The following FAM118A variants were observed in gnomAD, a reference collection of about 807,000 sequenced individuals.
FAM118A encodes SIR2 antiphage like 2.
In FAM118A, 25 loss-of-function variants were observed where a neutral mutation model predicts 38.2. The ratio of observed to expected loss-of-function variants is 0.65; its 90% CI spans 0.48 to 0.91. The LOEUF is 0.91. FAM118A is among the 40% of genes least tolerant of loss of function. The probability of loss-of-function intolerance (pLI) is 0.00; values close to 1 mark genes in which losing one functional copy is unlikely to be tolerated. For synonymous variants in FAM118A, 178 were observed against 184.1 expected, an observed-to-expected ratio of 0.97 and a Z score of 0.27; for missense variants, 425 against 463.3, an observed-to-expected ratio of 0.92 and a Z score of 0.76.
intron 8 of FAM118A, among the ~76,000 whole-genome samples, chr22:45,336,885 T>C (rs2086140528): frequency 6.6e-6 from 1 of 152,226 alleles, no homozygotes; most frequent in South Asian, 2.1e-4. Flanking sequence ...CACCTGAGTC[T>C]CTGGAGAAAA....
intron 1 of FAM118A, among the ~76,000 whole-genome samples, chr22:45,314,673 G>A (rs1430142267): frequency 6.6e-6 from 1 of 152,138 alleles, no homozygotes; most frequent in Non-Finnish European, 1.5e-5. Flanking sequence ...CATGTCTTAC[G>A]TATCCTCTTG....
chr22:45,340,526 A>C lies in FAM118A; in HGVS notation c.*121A>C. ...TGATTGCGAAACCGTCACATACACC[A>C]AGAGAGCCACATGGGCATGTGGCCC... On this transcript the variant is annotated 3_prime_UTR_variant, in exon 9 of 9. Transcript: ENST00000441876. 4.2e-6 allele frequency: 5 copies of C among 1,199,672 alleles called. No homozygotes were observed. The highest frequency in any genetic ancestry group is 5.0e-6 in the Non-Finnish European group (4 of 807,170). The allele number at this position is 1,199,672 out of a possible 1,614,324, so 74.3% of individuals were successfully genotyped here.
rs2085403728 is a variant in FAM118A at position 45,327,913 on chromosome 22, C to T, written c.372C>T (p.His124=). ...LMEVFDDLEQ[H]IRSPVVLQSI... ...AGGTGTTTGACGACCTGGAGCAGCA[C>T]ATCCGGAGTCCTGTGGTGCTGCAGT... Residue 124 remains histidine, a synonymous_variant, in exon 4 of 9, where the codon CAC becomes CAT. Coordinates refer to ENST00000441876, the MANE Select transcript of FAM118A (RefSeq NM_017911.4). 6.2e-7 allele frequency: 1 copy of T among 1,614,234 alleles called. No individual in the cohort carries two copies.
At chr22:45,337,039 C>T (rs1276057730) in intron 8 of FAM118A, among the ~76,000 whole-genome samples, 1 of 152,214 alleles carries the variant, frequency 6.6e-6, no homozygotes, top group African/African-American at 2.4e-5. Flanking sequence ...GTGCCGGTCC[C>T]TCCCTCTCCT....
chr22:45,327,372 A>G (rs6006986), intron 3 of FAM118A, among the ~76,000 whole-genome samples: 1 of 151,768 alleles, frequency 6.6e-6, no homozygotes, highest in Non-Finnish European at 1.5e-5. Context: ...GAGTCTTTAC[A>G]GTGGTCCTCA....
At chr22:45,326,498 G>A (rs898287110) in intron 3 of FAM118A, among the ~76,000 whole-genome samples, 1 of 152,064 alleles carries the variant, frequency 6.6e-6, no homozygotes, top group African/African-American at 2.4e-5. Context: ...GATAAGCCTG[G>A]GCAACATAGC....
chr22:45,330,787 CTGGCCAT>C (rs1291926927), intron 5 of FAM118A, 56 bp downstream of exon 5: 1 of 1,452,016 alleles, frequency 6.9e-7, no homozygotes, highest in Non-Finnish European at 9.1e-7. Context: ...CTGGTGGCCA[CTGGCCAT>C]TGGCTGCAGT....
At chr22:45,322,151 G>C (rs773062026) in intron 1 of FAM118A, 2 of 1,485,860 alleles carry the variant, frequency 1.3e-6, no homozygotes, top group African/African-American at 1.4e-5. Context: ...GTAGAACAGC[G>C]AGAGTCCAAC....
rs1377447912 is a variant in FAM118A at position 45,313,130 on chromosome 22, G to A, written c.-10+2947G>A. ...ATGACAGCACTTTGGAGATTCCAGG[G>A]ATTCTAGGAGTAGTAAGACGGGAAA... On this transcript the variant is annotated intron_variant, in intron 1 of 8. Coordinates refer to ENST00000441876, the MANE Select transcript of FAM118A (RefSeq NM_017911.4). Among the ~76,000 whole-genome samples, 7 of 152,092 alleles carry A rather than the reference G, an allele frequency of 4.6e-5. No homozygotes were observed. In the East Asian group the frequency reaches 1.4e-3, roughly 29 times the overall value.
chr22:45,330,871 A>AG, intron 5 of FAM118A, 140 bp downstream of exon 5: 1 of 880,632 alleles, frequency 1.1e-6, no homozygotes, highest in Admixed American at 4.1e-5. Flanking sequence ...TTGCTGAGGG[A>AG]GGGGCCACGT....
At chr22:45,313,049 C>T (rs2084443277) in intron 1 of FAM118A, among the ~76,000 whole-genome samples, 1 of 152,064 alleles carries the variant, frequency 6.6e-6, no homozygotes, top group Non-Finnish European at 1.5e-5. Context: ...GGTGATAAGC[C>T]CCCTTCTGAA....
intron 5 of FAM118A, among the ~76,000 whole-genome samples, chr22:45,331,114 TC>T (rs1156281991): frequency 6.6e-6 from 1 of 152,168 alleles, no homozygotes; most frequent in Non-Finnish European, 1.5e-5. Flanking sequence ...TCCTTGTTCT[TC>T]CAGGCTTCTT....
intron 8 of FAM118A, among the ~76,000 whole-genome samples, chr22:45,337,018 C>T (rs962449889): frequency 1.3e-5 from 2 of 152,236 alleles, no homozygotes; most frequent in Non-Finnish European, 2.9e-5. Flanking sequence ...GAAGGGCGAT[C>T]TCGCTTGTTC....
chr22:45,328,076 G>T lies in FAM118A; in HGVS notation c.522+13G>T. On this transcript the variant is annotated intron_variant, in intron 4 of 8. Coordinates refer to ENST00000441876, the MANE Select transcript of FAM118A (RefSeq NM_017911.4). ...GGACAAGACCAAGGTATGGGCTGGG[G>T]GTGCGGGAGGCCTTTGGCCGGCGGC... The T allele has an allele frequency of 1.6e-6, 1 of 634,668 alleles. No individual in the cohort carries two copies. Among genetic ancestry groups the T allele is most frequent in the Non-Finnish European group, 2.5e-6 (1 of 397,458 alleles). 39.3% of individuals were successfully genotyped at this position (634,668 alleles called of 1,614,324 possible).
intron 3 of FAM118A, among the ~76,000 whole-genome samples, chr22:45,327,479 C>T (rs1267651821): frequency 6.6e-6 from 1 of 152,184 alleles, no homozygotes; most frequent in African/African-American, 2.4e-5. Flanking sequence ...GAGCCGTGAC[C>T]TCAGTGCTGT....
At chr22:45,327,424 C>G (rs987867650) in intron 3 of FAM118A, among the ~76,000 whole-genome samples, 3 of 152,114 alleles carry the variant, frequency 2.0e-5, no homozygotes, top group African/African-American at 7.2e-5. Context: ...CTTCCCCTCA[C>G]TCCTCTCCTG....
intron 3 of FAM118A, 38 bp from the exon 4 acceptor site, chr22:45,327,804 G>C (rs1321347689): frequency 6.2e-7 from 1 of 1,604,110 alleles, no homozygotes; most frequent in South Asian, 1.1e-5. Context: ...GTTGTTAAGA[G>C]CTGATGTTTT....
At chr22:45,322,992 A>G (rs911500209) in intron 2 of FAM118A, among the ~76,000 whole-genome samples, 183 bp from the exon 3 acceptor site, 1 of 152,170 alleles carries the variant, frequency 6.6e-6, no homozygotes, top group Non-Finnish European at 1.5e-5. Context: ...TGTGAAATAA[A>G]TACGCAAAGA....
chr22:45,310,830 C>G (rs1005767795), intron 1 of FAM118A, among the ~76,000 whole-genome samples: 1 of 151,996 alleles, frequency 6.6e-6, no homozygotes. Flanking sequence ...CTGAGGTGGC[C>G]GAGGGCGGCC....
Sources: gnomAD v4.1 joint callset for allele counts (sites outside exome capture counted in the v4.1 genomes callset) on GRCh38, gnomAD v4.1.1 for gene constraint, MANE v1.5 for transcripts, NCBI Gene and HGNC (gene_info 2026-07-23, HGNC 2026-07-21) for gene names.